The following ADAMTS18 variants were observed in gnomAD, a reference collection of about 807,000 sequenced individuals.
ADAMTS18 encodes the protein A disintegrin and metalloproteinase with thrombospondin motifs 18.
In ADAMTS18, 157 loss-of-function variants were observed where a neutral mutation model predicts 165.9. The observed-to-expected ratio is 0.95, with a 90% CI of 0.83 to 1.08. The LOEUF (loss-of-function observed/expected upper bound fraction) is 1.08, where lower values mean the gene tolerates loss of function less well. ADAMTS18 is among the 50% of genes least tolerant of loss of function. ADAMTS18 has a pLI of 0.00. For missense variants in ADAMTS18, 2,040 were observed against 1,534.0 expected (o/e 1.33, Z -5.51); for synonymous variants, 782 against 578.2 (o/e 1.35, Z -5.06).
chr16:77,407,768 A>G (rs1212005881), intron 3 of ADAMTS18, among the ~76,000 whole-genome samples: 1 of 152,070 alleles, frequency 6.6e-6, no homozygotes, highest in Non-Finnish European at 1.5e-5. Context: ...TGCATTTCCT[A>G]TCATCCAAAA....
At chr16:77,394,583 G>A (rs1001445212) in intron 3 of ADAMTS18, among the ~76,000 whole-genome samples, 1 of 152,166 alleles carries the variant, frequency 6.6e-6, no homozygotes, top group Non-Finnish European at 1.5e-5. Flanking sequence ...TATACAGAAA[G>A]AGGAGGGTGG....
At chr16:77,431,740 C>A (rs1673758815) in intron 2 of ADAMTS18, 129 bp from the exon 3 acceptor site, 3 of 984,432 alleles carry the variant, frequency 3.0e-6, no homozygotes, top group Non-Finnish European at 1.6e-6. Context: ...GCACCTAGAT[C>A]AAATATAATT....
chr16:77,291,693 T>G (rs992467065), intron 20 of ADAMTS18, among the ~76,000 whole-genome samples: 56 of 152,210 alleles, frequency 3.7e-4, no homozygotes, highest in African/African-American at 1.4e-3. Flanking sequence ...GGAACTGACT[T>G]TCCCAAAATC....
Position 77,283,831 on chromosome 16 carries a change from C to A in ADAMTS18, c.*125G>T, listed in dbSNP as rs1597070785. On this transcript the variant is annotated 3_prime_UTR_variant, in exon 23 of 23. Coordinates refer to ENST00000282849, the MANE Select transcript of ADAMTS18 (RefSeq NM_199355.4). ...ACCTGTCTGTTCCTCAGAGCAGGCT[C>A]CTTCATCACAGCGGCAGCTCACAGA... is the stretch of plus-strand genomic sequence containing the variant. 1 of 754,238 alleles carries A rather than the reference C, an allele frequency of 1.3e-6. No homozygotes were observed. The highest frequency in any genetic ancestry group is 2.1e-5 in the Admixed American group (1 of 47,714). 46.7% of individuals were successfully genotyped at this position (754,238 alleles called of 1,614,324 possible). A position where few individuals can be genotyped will look rare whatever the true frequency, so the allele number is the denominator to read the frequency against.
At chr16:77,419,826 C>T (rs1212465619) in intron 3 of ADAMTS18, among the ~76,000 whole-genome samples, 1 of 151,640 alleles carries the variant, frequency 6.6e-6, no homozygotes, top group East Asian at 1.9e-4. Context: ...TGGTGAAACC[C>T]CGTCTCTACT....
intron 16 of ADAMTS18, among the ~76,000 whole-genome samples, chr16:77,305,385 C>A: frequency 6.6e-6 from 1 of 152,292 alleles, no homozygotes; most frequent in East Asian, 1.9e-4. Context: ...TTTCTCAAAT[C>A]AAATCCACCC....
chr16:77,396,833 G>T (rs1396205729), intron 3 of ADAMTS18, among the ~76,000 whole-genome samples: 1 of 147,918 alleles, frequency 6.8e-6, no homozygotes. Context: ...TTGAGACACA[G>T]TCTCACCCTG....
intron 10 of ADAMTS18, among the ~76,000 whole-genome samples, chr16:77,346,385 A>G (rs1402163357): frequency 1.3e-5 from 2 of 152,182 alleles, no homozygotes; most frequent in East Asian, 3.8e-4. Context: ...AAATCAATAT[A>G]TGAATAAAAA....
rs946480640 is a variant in ADAMTS18 at position 77,355,935 on chromosome 16, C to G, written c.1460+5G>C. 3.1e-6 allele frequency: 5 copies of G among 1,613,944 alleles called. No homozygotes were observed. Among genetic ancestry groups the G allele is most frequent in the Non-Finnish European group, 4.2e-6 (5 of 1,179,890 alleles). On this transcript the variant is annotated splice_donor_5th_base_variant and intron_variant, in intron 9 of 22. Coordinates refer to ENST00000282849, the MANE Select transcript of ADAMTS18 (RefSeq NM_199355.4). ...AGGAGCACCCCAGGATTTAACCTGT[C>G]ATACCTGAGGAATTTCTTGAGATAC...
chr16:77,367,534 G>C lies in ADAMTS18; in HGVS notation c.685C>G (p.Pro229Ala), dbSNP rs867969828. The C allele has an allele frequency of 1.3e-5, 21 of 1,614,226 alleles. No individual in the cohort carries two copies. Among genetic ancestry groups the C allele is most frequent in the Non-Finnish European group, 1.8e-5 (21 of 1,180,032 alleles). The change falls in exon 4 of 23, where the codon CCA (proline) becomes GCA (alanine). Residue 229 changes from proline (P) to alanine (A), a missense_variant. By Grantham distance (27) the Pro-to-Ala change is conservative. Coordinates refer to ENST00000282849, the MANE Select transcript of ADAMTS18 (RefSeq NM_199355.4). Reference sequence around the variant, plus strand: ...TGAGATGCATGGGGAATGTGACTTGGGGAGTAACCAGGATAATTCCGGCCA... The same window carrying C: ...TGAGATGCATGGGGAATGTGACTTGCGGAGTAACCAGGATAATTCCGGCCA... Reference protein sequence around the residue: ...GSGRNYPGYSPSHIPHASQSR... With the variant: ...GSGRNYPGYSASHIPHASQSR...
At chr16:77,362,821 G>C (rs1293665449) in intron 6 of ADAMTS18, among the ~76,000 whole-genome samples, 1 of 152,206 alleles carries the variant, frequency 6.6e-6, no homozygotes, top group Non-Finnish European at 1.5e-5. Flanking sequence ...ACTTGGCCAA[G>C]TTGAAGGTTT....
At chr16:77,347,983 T>C (rs1244736251) in intron 10 of ADAMTS18, among the ~76,000 whole-genome samples, 1 of 152,186 alleles carries the variant, frequency 6.6e-6, no homozygotes, top group Non-Finnish European at 1.5e-5. Flanking sequence ...TAAAGTACTA[T>C]CTGATACATA....
chr16:77,287,092 T>C (rs1386001690), intron 22 of ADAMTS18, among the ~76,000 whole-genome samples: 4 of 152,100 alleles, frequency 2.6e-5, no homozygotes, highest in Non-Finnish European at 5.9e-5. Context: ...CTCTAGGGTC[T>C]AGTTTAAGTG....
chr16:77,302,818 C>T (rs1245065368), intron 16 of ADAMTS18, among the ~76,000 whole-genome samples: 1 of 152,148 alleles, frequency 6.6e-6, no homozygotes, highest in Non-Finnish European at 1.5e-5. Flanking sequence ...CCATACATGG[C>T]CTGTGGTTTC....
intron 3 of ADAMTS18, among the ~76,000 whole-genome samples, chr16:77,430,357 A>G (rs1259943730): frequency 6.6e-6 from 1 of 152,214 alleles, no homozygotes; most frequent in African/African-American, 2.4e-5. Context: ...ATTAAAAAGT[A>G]ACTGAAAGTT....
At chr16:77,417,037 C>T (rs10781984) in intron 3 of ADAMTS18, among the ~76,000 whole-genome samples, 90,044 of 151,990 alleles carry the variant, frequency 0.59, 27,649 homozygotes, top group Middle Eastern at 0.73. Flanking sequence ...CTTTAAAAAT[C>T]AGTCTCATCA....
intron 3 of ADAMTS18, among the ~76,000 whole-genome samples, chr16:77,385,316 T>C (rs1014888920): frequency 6.6e-6 from 1 of 152,236 alleles, no homozygotes; most frequent in Admixed American, 6.5e-5. Flanking sequence ...TAAGTTTGGA[T>C]AGTAAGGAAT....
intron 3 of ADAMTS18, among the ~76,000 whole-genome samples, chr16:77,410,218 T>G (rs1486669889): frequency 6.6e-6 from 1 of 152,138 alleles, no homozygotes; most frequent in Non-Finnish European, 1.5e-5. Context: ...TCTATGATAT[T>G]TTCTTTCTTA....
intron 3 of ADAMTS18, among the ~76,000 whole-genome samples, chr16:77,394,454 A>G (rs533087972): frequency 2.0e-5 from 3 of 152,190 alleles, no homozygotes; most frequent in Non-Finnish European, 4.4e-5. Flanking sequence ...TACCTGGTAC[A>G]CAGAAAAATG....
Sources: allele counts gnomAD v4.1 joint callset (sites outside exome capture counted in the v4.1 genomes callset), GRCh38; gene constraint gnomAD v4.1.1; transcripts MANE v1.5; gene names NCBI Gene and HGNC (gene_info 2026-07-23, HGNC 2026-07-21).